The following EPHA1 variants were observed in gnomAD, a reference collection of about 807,000 sequenced individuals.
EPHA1 encodes the protein EPH receptor A1.
In EPHA1, 92 loss-of-function variants were observed where a neutral mutation model predicts 110.1. The observed-to-expected ratio is 0.84, with a 90% CI of 0.71 to 0.99. EPHA1 has a LOEUF of 0.99. Ranked by LOEUF, EPHA1 falls within the 50% of genes least tolerant of loss-of-function variation. The pLI is 0.00. For synonymous variants in EPHA1, 500 were observed against 516.1 expected (o/e 0.97, Z 0.42); for missense variants, 1,204 against 1,285.4 (o/e 0.94, Z 0.97).
At chr7:143,392,663 G>T (rs762633854) in intron 16 of EPHA1, among the ~76,000 whole-genome samples, 33 of 152,080 alleles carry the variant, frequency 2.2e-4, no homozygotes, top group Admixed American at 7.9e-4. Context: ...GGTTCTCCAG[G>T]CCAGGCGAGG....
At chr7:143,403,419 A>C (rs1280112121) in intron 2 of EPHA1, among the ~76,000 whole-genome samples, 1 of 118,318 alleles carries the variant, frequency 8.5e-6, no homozygotes, top group African/African-American at 2.7e-5. Flanking sequence ...GAGCTTTCTT[A>C]CTTTTTTTTT....
At chr7:143,404,302 T>C (rs981963775) in intron 2 of EPHA1, among the ~76,000 whole-genome samples, 10 of 151,880 alleles carry the variant, frequency 6.6e-5, no homozygotes, top group South Asian at 2.1e-4. Context: ...CTGCAAGCTC[T>C]GCCTCCAGGG....
At chr7:143,397,191 C>T (rs1051757259) in intron 10 of EPHA1, 113 bp downstream of exon 10, 25 of 1,301,756 alleles carry the variant, frequency 1.9e-5, no homozygotes, top group Non-Finnish European at 4.1e-6. Flanking sequence ...CCAGAGTTGG[C>T]CTAGCAAATG....
chr7:143,397,207 C>A, intron 10 of EPHA1, 97 bp downstream of exon 10: 1 of 1,425,490 alleles, frequency 7.0e-7, no homozygotes, highest in Non-Finnish European at 9.4e-7. Context: ...AAATGTGTCC[C>A]TTGATCCCTT....
Position 143,398,773 on chromosome 7 carries a change from C to T in EPHA1, c.1164G>A (p.Val388=), listed in dbSNP as rs780963342. The change falls in exon 6 of 18, where the codon GTG becomes GTA. Residue 388 remains valine, a synonymous_variant. Transcript: ENST00000275815. The part of the protein sequence containing the change: ...QDGGPCQPCG[V]GVHFSPGARG... ...GGGCCCCCGGCGAGAAGTGCACGCC[C>T]ACCCCACAGGGCTGGCAGGGCCCCC... 1.9e-6 allele frequency: 3 copies of T among 1,613,804 alleles called. No individual in the cohort carries two copies. Among genetic ancestry groups the T allele is most frequent in the African/African-American group, 1.3e-5 (1 of 74,936 alleles).
chr7:143,395,433 T>C lies in EPHA1; in HGVS notation c.1969A>G (p.Thr657Ala). 1 of 1,614,084 alleles carries C rather than the reference T, an allele frequency of 6.2e-7. No homozygotes were observed. Among genetic ancestry groups the C allele is most frequent in the South Asian group, 1.1e-5 (1 of 91,072 alleles). ...SQDCKTVAIK[T>A]LKDTSPGGQW... is the part of the protein sequence containing the mutation. ...CCACCTGGGGATGTGTCTTTTAAGG[T>C]CTTAATGGCCACAGTCTTGCAGTCC... The change falls in exon 12 of 18, where the codon ACC (threonine) becomes GCC (alanine). Residue 657 changes from threonine to alanine, a missense_variant. Coordinates refer to ENST00000275815, the MANE Select transcript of EPHA1 (RefSeq NM_005232.5). This position sits in a 1 kb window ranked among gnomAD's most constrained non-coding sequence, Gnocchi z 4.7.
At chr7:143,408,690 CG>C (rs1805628117) in intron 1 of EPHA1, 33 bp downstream of exon 1, 1 of 308,926 alleles carries the variant, frequency 3.2e-6, no homozygotes, top group Non-Finnish European at 4.4e-6. Flanking sequence ...GGGCGGGGCG[CG>C]GGGGTTGGGG....
Position 143,401,152 on chromosome 7 carries a change from C to A in EPHA1, c.432+172G>T. On this transcript the variant is annotated intron_variant, in intron 3 of 17. Coordinates refer to ENST00000275815, the MANE Select transcript of EPHA1 (RefSeq NM_005232.5). This position sits in a 1 kb window ranked among gnomAD's most constrained non-coding sequence, Gnocchi z 4.1. ...AAGTGATCTTCCCACATCGGTTTCC[C>A]AAAGCACTGGAATTACAGGCACAAG... The A allele has an allele frequency of 2.4e-6, 2 of 836,450 alleles. No homozygotes were observed. The highest frequency in any genetic ancestry group is 3.6e-6 in the Non-Finnish European group (2 of 549,268). The allele number at this position is 836,450 out of a possible 1,614,324, so 51.8% of individuals were successfully genotyped here. A position where few individuals can be genotyped will look rare whatever the true frequency, so the allele number is the denominator to read the frequency against.
chr7:143,391,958 A>G (rs565798334), intron 16 of EPHA1, among the ~76,000 whole-genome samples, 183 bp from the exon 17 acceptor site: 1 of 152,270 alleles, frequency 6.6e-6, no homozygotes, highest in Admixed American at 6.5e-5. Flanking sequence ...TGTGCTCACA[A>G]CAGTGGACTG....
intron 5 of EPHA1, 136 bp downstream of exon 5, chr7:143,399,122 G>A: frequency 7.8e-7 from 1 of 1,277,202 alleles, no homozygotes; most frequent in Non-Finnish European, 1.1e-6. Context: ...GGGTGCCAGG[G>A]CAGGGGCTAA....
chr7:143,396,532 G>GGGGAGTACCAACATCAGGGCTC (rs1207837296), intron 10 of EPHA1, 22 bp from the exon 11 acceptor site: 6 of 1,612,412 alleles, frequency 3.7e-6, no homozygotes, highest in South Asian at 2.2e-5. Context: ...ACATGAGGTT[G>GGGGAGTACCAACATCAGGGCTC]GGGAGTACCA....
chr7:143,397,091 T>TG (rs1001279360), intron 10 of EPHA1, among the ~76,000 whole-genome samples: 1 of 152,138 alleles, frequency 6.6e-6, no homozygotes, highest in Non-Finnish European at 1.5e-5. Context: ...TCAGAGCCAC[T>TG]GGGGGGCTAC....
In EPHA1 at chr7:143,396,417, G is replaced by A. The variant is rs200499248; in HGVS notation, c.1865C>T (p.Ala622Val). 1.4e-5 allele frequency: 22 copies of A among 1,613,360 alleles called. No homozygotes were observed. The highest frequency in any genetic ancestry group is 1.7e-4 in the Middle Eastern group (1 of 5,778). The part of the protein sequence containing the change: ...ALDFTRELDP[A>V]WLMVDTVIGE... Reference sequence around the variant, plus strand: ...TATGACAGTGTCCACCATCAGCCACGCTGGATCAAGCTCCCGGGTAAAGTC... The same window carrying A: ...TATGACAGTGTCCACCATCAGCCACACTGGATCAAGCTCCCGGGTAAAGTC... Residue 622 changes from alanine (A) to valine (V), a missense_variant, in exon 11 of 18, where the codon GCG (alanine) becomes GTG (valine). Transcript: ENST00000275815.
intron 2 of EPHA1, among the ~76,000 whole-genome samples, chr7:143,404,434 G>A (rs1805492503): frequency 6.6e-6 from 1 of 151,980 alleles, no homozygotes; most frequent in Non-Finnish European, 1.5e-5. Context: ...AGCCAGGATG[G>A]TCTCGATCTC....
rs778687443 is a variant in EPHA1 at position 143,395,206 on chromosome 7, C to T, written c.2084-24G>A. ...TCCTGAGACACAGACACACATATCA[C>T]ACTCAGAACCGGGCTTCCTGCCCTT... On this transcript the variant is annotated intron_variant, in intron 12 of 17. Transcript: ENST00000275815. This position sits in a 1 kb window ranked among gnomAD's most constrained non-coding sequence, Gnocchi z 4.7. 9 of 1,613,154 alleles carry T rather than the reference C, an allele frequency of 5.6e-6. No individual in the cohort carries two copies. The East Asian group carries it at 1.8e-4, about 32-fold the overall frequency.
Position 143,407,680 on chromosome 7 carries a change from T to C in EPHA1, c.83-2A>G. ...CCTTGCTTGTGTCCATCAGAGTAAC[T>C]GAAAGTGGGGAGAAAAGAAGTCTGT... On this transcript the variant is annotated splice_acceptor_variant, in intron 1 of 17. Coordinates refer to ENST00000275815, the MANE Select transcript of EPHA1 (RefSeq NM_005232.5). LOFTEE classifies it high-confidence loss of function. 1.9e-6 allele frequency: 3 copies of C among 1,612,770 alleles called. No homozygotes were observed. Among genetic ancestry groups the C allele is most frequent in the Non-Finnish European group, 2.5e-6 (3 of 1,179,366 alleles).
At chr7:143,406,566 G>A (rs912613362) in intron 2 of EPHA1, among the ~76,000 whole-genome samples, 5 of 152,238 alleles carry the variant, frequency 3.3e-5, no homozygotes, top group African/African-American at 9.6e-5. Context: ...GATTACAGCC[G>A]ATGGAACAGA....
chr7:143,397,990 T>C lies in EPHA1; in HGVS notation c.1545A>G (p.Arg515=). The change falls in exon 8 of 18, where the codon AGA becomes AGG. Residue 515 remains arginine, a synonymous_variant. Transcript: ENST00000275815. ...ELQPDTTYIV[R]VRMLTPLGPG... The stretch of plus-strand genomic sequence containing the variant: ...GACCCAGTGGGGTCAGCATTCGGAC[T>C]CTGACGATGTATGTGGTGTCAGGCT... The C allele has an allele frequency of 6.2e-7, 1 of 1,614,114 alleles. No homozygotes were observed. The highest frequency in any genetic ancestry group is 8.5e-7 in the Non-Finnish European group (1 of 1,180,014).
In EPHA1 at chr7:143,397,913, A is replaced by T; in HGVS notation, c.1615+7T>A. On this transcript the variant is annotated splice_region_variant and intron_variant, in intron 8 of 17. Coordinates refer to ENST00000275815, the MANE Select transcript of EPHA1 (RefSeq NM_005232.5). ...TGTGTGTTGGGGCAGAGCACAAGAT[A>T]CCCCACCTGGTGGGCTGGTCCGAAA... 1 of 1,613,662 alleles carries T rather than the reference A, an allele frequency of 6.2e-7. No individual in the cohort carries two copies. The highest frequency in any genetic ancestry group is 1.1e-5 in the South Asian group (1 of 91,052).
Sources: gnomAD v4.1 joint callset for allele counts (sites outside exome capture counted in the v4.1 genomes callset) on GRCh38, gnomAD v4.1.1 for gene constraint, Gnocchi (gnomAD v3.1) non-coding constraint, MANE v1.5 for transcripts, NCBI Gene and HGNC (gene_info 2026-07-23, HGNC 2026-07-21) for gene names.